ARHGEF25: variants seen among roughly 807,000 people sequenced by gnomAD.
ARHGEF25 encodes the protein RAC/CDC42 exchange factor.
Under a neutral mutation model 74.0 loss-of-function variants are expected in ARHGEF25, and 42 were observed. The ratio of observed to expected loss-of-function variants is 0.57; its 90% CI spans 0.44 to 0.73. The LOEUF (loss-of-function observed/expected upper bound fraction) is 0.73, where lower values mean the gene tolerates loss of function less well. Among genes scored for constraint, ARHGEF25 ranks in the 30% least tolerant of loss-of-function variants. The pLI is 0.00. For missense variants in ARHGEF25, 645 were observed against 725.5 expected, an observed-to-expected ratio of 0.89 and a Z score of 1.27; for synonymous variants, 293 against 278.6, an observed-to-expected ratio of 1.05 and a Z score of -0.51.
intron 14 of ARHGEF25, 35 bp from the exon 15 acceptor site, chr12:57,616,749 C>A (rs369018591): frequency 2.1e-6 from 3 of 1,459,174 alleles, no homozygotes; most frequent in Non-Finnish European, 2.8e-6. Flanking sequence ...AGATTTCTGG[C>A]CTTTTTGATC....
intron 13 of ARHGEF25, 126 bp from the exon 14 acceptor site, chr12:57,616,158 C>A: frequency 1.4e-6 from 2 of 1,446,080 alleles, no homozygotes; most frequent in East Asian, 2.3e-5. Context: ...TGATAGAATC[C>A]CCTAAAGCCC....
At chr12:57,610,288 C>G, upstream of ARHGEF25, 3 of 1,565,524 alleles carry the variant, frequency 1.9e-6, no homozygotes, top group Non-Finnish European at 2.6e-6. Flanking sequence ...GCATGCTGCG[C>G]GCATGCGCCC....
In ARHGEF25 at chr12:57,613,666, TGGG is replaced by T. The variant is rs753841475; in HGVS notation, c.486-25_486-23del. The T allele has an allele frequency of 5.0e-6, 8 of 1,613,168 alleles. No individual in the cohort carries two copies. The South Asian group carries it at 5.5e-5, about 11-fold the overall frequency. On this transcript the variant is annotated intron_variant, in intron 4 of 14. Coordinates refer to ENST00000286494, the MANE Select transcript of ARHGEF25 (RefSeq NM_182947.4). ...CCAAGGATGAGCTCCGACGCTGAAGTGGGGGCCTCCTCCTGCTTTCATCCTAGG... is the reference window on the plus strand; with the variant it reads ...CCAAGGATGAGCTCCGACGCTGAAGTGGCCTCCTCCTGCTTTCATCCTAGG...
chr12:57,612,917 T>C lies in ARHGEF25; in HGVS notation c.98-13T>C. ...GCAAGGTCTATCACCTCCTCTCTTT[T>C]TCCTCCCATTAGAATCCTATTCCAT... is the stretch of plus-strand genomic sequence containing the variant. On this transcript the variant is annotated splice_polypyrimidine_tract_variant and intron_variant, in intron 1 of 14. Coordinates refer to ENST00000286494, the MANE Select transcript of ARHGEF25 (RefSeq NM_182947.4). 1 of 1,610,698 alleles carries C rather than the reference T, an allele frequency of 6.2e-7. No homozygotes were observed. The highest frequency in any genetic ancestry group is 8.5e-7 in the Non-Finnish European group (1 of 1,177,394).
chr12:57,613,121 A>G lies in ARHGEF25; in HGVS notation c.289A>G (p.Ser97Gly), dbSNP rs1884126897. 1.2e-6 allele frequency: 2 copies of G among 1,613,352 alleles called. No homozygotes were observed. The highest frequency in any genetic ancestry group is 2.2e-5 in the South Asian group (2 of 91,074). ...HCLSVETEADSGQAGPYENWM... is the reference protein window; with the variant it reads ...HCLSVETEADGGQAGPYENWM... ...TCTCAGTGTGGAAACTGAGGCAGAC[A>G]GTGGTCAGGCAGGACCATATGAGGT... is the stretch of plus-strand genomic sequence containing the variant. The change falls in exon 2 of 15, where the codon AGT becomes GGT. Residue 97 changes from serine to glycine, a missense_variant. Ser to Gly is a moderately conservative substitution (Grantham distance 56, BLOSUM62 0). Around this residue, in one of 3 missense-constraint regions of ARHGEF25, gnomAD observed 189 missense variants for 199.1 expected, o/e 0.95. Coordinates refer to ENST00000286494, the MANE Select transcript of ARHGEF25 (RefSeq NM_182947.4).
chr12:57,610,315 G>A (rs1464827829), upstream of ARHGEF25: 1 of 1,518,062 alleles, frequency 6.6e-7, no homozygotes, highest in Non-Finnish European at 8.9e-7. Context: ...GGCAGGAGGG[G>A]GTAAGAATGG....
rs769791400 is a variant in ARHGEF25, at chr12:57,614,778, C to T, written c.906C>T (p.Leu302=). Residue 302 remains leucine, a synonymous_variant, in exon 9 of 15, where the codon CTC becomes CTT. Coordinates refer to ENST00000286494, the MANE Select transcript of ARHGEF25 (RefSeq NM_182947.4). The surrounding 1 kb of genome is among the most constrained non-coding windows in gnomAD (Gnocchi z 4.6). ...GGATCATGAAATACCAGCTGCTGCT[C>T]AAGGTCAGGACCCCCTTTTTCCTGG... ...VQRIMKYQLL[L]KDFLKYYNRA... 5 of 1,607,446 alleles carry T rather than the reference C, an allele frequency of 3.1e-6. No individual in the cohort carries two copies. Among genetic ancestry groups the T allele is most frequent in the Non-Finnish European group, 4.2e-6 (5 of 1,176,868 alleles).
chr12:57,614,481 C>T lies in ARHGEF25; in HGVS notation c.727-35C>T. 1.2e-6 allele frequency: 2 copies of T among 1,613,990 alleles called. No individual in the cohort carries two copies. The highest frequency in any genetic ancestry group is 1.7e-6 in the Non-Finnish European group (2 of 1,179,944). The stretch of plus-strand genomic sequence containing the variant: ...CTGGAGATGCGTCCTCCCTCCTTGC[C>T]CACCCTGCTCTCTCTTAAACATTAC... On this transcript the variant is annotated intron_variant, in intron 7 of 14. Transcript: ENST00000286494. The surrounding 1 kb of genome is among the most constrained non-coding windows in gnomAD (Gnocchi z 4.6).
rs1295226406 is a variant in ARHGEF25 at position 57,615,831 on chromosome 12, A to G, written c.1240-6A>G. 6.2e-7 allele frequency: 1 copy of G among 1,613,346 alleles called. No homozygotes were observed. Among genetic ancestry groups the G allele is most frequent in the East Asian group, 2.2e-5 (1 of 44,834 alleles). The stretch of plus-strand genomic sequence containing the variant: ...TCTGGGGGCTGTCTCCTATCTGCCA[A>G]TTCAGGTGAGCTGCCTGGGACTGGA... On this transcript the variant is annotated splice_polypyrimidine_tract_variant and splice_region_variant and intron_variant, in intron 12 of 14. Transcript: ENST00000286494.
In ARHGEF25 at chr12:57,611,993, T is replaced by C. The variant is rs751161211; in HGVS notation, c.97+2T>C. The C allele has an allele frequency of 7.8e-7, 1 of 1,286,704 alleles. No individual in the cohort carries two copies. Among genetic ancestry groups the C allele is most frequent in the African/African-American group, 1.5e-5 (1 of 64,974 alleles). 79.7% of individuals were successfully genotyped at this position (1,286,704 alleles called of 1,614,324 possible). ...GCTGCTTCGCCCGGGGGGGACGTGG[T>C]GAGTGCCAGGTCGAGAGGGTCCAGT... On this transcript the variant is annotated splice_donor_variant, in intron 1 of 14. Transcript: ENST00000286494. LOFTEE classifies it high-confidence loss of function. The surrounding 1 kb of genome is among the most constrained non-coding windows in gnomAD (Gnocchi z 4.5).
At position 57,615,957 on chromosome 12, in the gene ARHGEF25, A is replaced by C; in HGVS notation, c.1360A>C (p.Ser454Arg). ...YVLQAADPAISQAWIKHVAQI... is the reference protein window; with the variant it reads ...YVLQAADPAIRQAWIKHVAQI... ...CCTGCAGGCTGCAGACCCTGCTATC[A>C]GTCAGGCCTGGATCAAGCATGTGGC... is the stretch of plus-strand genomic sequence containing the variant. Residue 454 changes from serine to arginine, a missense_variant, in exon 13 of 15, where the codon AGT becomes CGT. This residue lies in a region of ARHGEF25 where 262 missense variants were observed against 256.9 expected (regional missense o/e 1.02). Transcript: ENST00000286494. 2 of 1,614,154 alleles carry C rather than the reference A, an allele frequency of 1.2e-6. No individual in the cohort carries two copies. The highest frequency in any genetic ancestry group is 8.5e-7 in the Non-Finnish European group (1 of 1,180,010).
In ARHGEF25 at chr12:57,615,180, CT is replaced by C. The variant is rs150804062; in HGVS notation, c.961-54del. The C allele has an allele frequency of 1.2e-3, 1,804 of 1,563,566 alleles. 24 individuals are homozygous for C. The African/African-American group carries it at 0.022, about 19-fold the overall frequency. On this transcript the variant is annotated intron_variant, in intron 10 of 14. Transcript: ENST00000286494. ...AAGAGGCAACTGGCCGAGGAGGCCTCTTTCCCAATAATGACTCTCTTCGCCC... is the reference window on the plus strand; with the variant it reads ...AAGAGGCAACTGGCCGAGGAGGCCTCTTCCCAATAATGACTCTCTTCGCCC...
In ARHGEF25 at chr12:57,616,434, CCT is replaced by C. The variant is rs1348984065; in HGVS notation, c.1576_1577del (p.Leu526AlafsTer17). ...CACACACCCATCAATGGCTCTCTCC[CCT>C]CTCTGCTGCTGTCACCCAAAGGGGA... On this transcript the variant is annotated frameshift_variant, in exon 14 of 15. Coordinates refer to ENST00000286494, the MANE Select transcript of ARHGEF25 (RefSeq NM_182947.4). LOFTEE classifies it high-confidence loss of function. The C allele has an allele frequency of 1.2e-6, 2 of 1,614,068 alleles. No individual in the cohort carries two copies. Among genetic ancestry groups the C allele is most frequent in the South Asian group, 1.1e-5 (1 of 91,092 alleles).
chr12:57,613,401 G>A (rs1458684066), intron 3 of ARHGEF25, 39 bp from the exon 4 acceptor site: 7 of 1,614,040 alleles, frequency 4.3e-6, no homozygotes, highest in Non-Finnish European at 5.1e-6. Context: ...CACTCAAGGG[G>A]CATTCGTTTG....
upstream of ARHGEF25, among the ~76,000 whole-genome samples, chr12:57,611,235 G>A (rs985252137): frequency 6.6e-6 from 1 of 151,480 alleles, no homozygotes; most frequent in Non-Finnish European, 1.5e-5. The surrounding 1 kb of genome is among the most constrained non-coding windows in gnomAD (Gnocchi z 4.5). Context: ...GGATGCGAGA[G>A]GGAGGGGGAC....
At position 57,614,354 on chromosome 12, in the gene ARHGEF25, G is replaced by T. The variant is rs547082119; in HGVS notation, c.680G>T (p.Arg227Leu). The T allele has an allele frequency of 6.2e-7, 1 of 1,614,068 alleles. No individual in the cohort carries two copies. Among genetic ancestry groups the T allele is most frequent in the Non-Finnish European group, 8.5e-7 (1 of 1,180,004 alleles). The change falls in exon 7 of 15, where the codon CGG becomes CTG. Residue 227 changes from arginine to leucine, a missense_variant. By Grantham distance (102) the Arg-to-Leu change is moderately radical (BLOSUM62 -2). Coordinates refer to ENST00000286494, the MANE Select transcript of ARHGEF25 (RefSeq NM_182947.4). This position sits in a 1 kb window ranked among gnomAD's most constrained non-coding sequence, Gnocchi z 4.6. ...AGCTATTTCTTGCAAGAGCTACAAC[G>T]GTGTCTGAAAGATCCTGATTGGCTG... is the stretch of plus-strand genomic sequence containing the variant. ...HRDYFLQELQRCLKDPDWLAQ... is the reference protein window; with the variant it reads ...HRDYFLQELQLCLKDPDWLAQ...
chr12:57,616,746 TGGC>T, intron 14 of ARHGEF25, 35 bp from the exon 15 acceptor site: 2 of 1,434,548 alleles, frequency 1.4e-6, no homozygotes, highest in Non-Finnish European at 1.9e-6. Flanking sequence ...GGTAGATTTC[TGGC>T]CTTTTTGATC....
At chr12:57,610,177 C>T, upstream of ARHGEF25, 1 of 1,302,754 alleles carries the variant, frequency 7.7e-7, no homozygotes, top group Non-Finnish European at 1.1e-6. Context: ...GCTTCAGTGC[C>T]CCCTCGACCC....
rs1190449783 is a variant in ARHGEF25, at chr12:57,616,378, T to G, written c.1515T>G (p.Ile505Met). ...CTGGAGTGGGGAGCCCTGGAAGAAT[T>G]CAGCTTGGAGATCAGGCCCAGGGCA... ...RGPGVGSPGR[I>M]QLGDQAQGST... Residue 505 changes from isoleucine to methionine, a missense_variant, in exon 14 of 15, where the codon ATT becomes ATG. Physicochemically the swap from Ile to Met is conservative, Grantham distance 10 (BLOSUM62 1). Coordinates refer to ENST00000286494, the MANE Select transcript of ARHGEF25 (RefSeq NM_182947.4). 2 of 1,614,044 alleles carry G rather than the reference T, an allele frequency of 1.2e-6. No homozygotes were observed. Among genetic ancestry groups the G allele is most frequent in the Non-Finnish European group, 1.7e-6 (2 of 1,179,984 alleles).
Sources: allele counts gnomAD v4.1 joint callset (sites outside exome capture counted in the v4.1 genomes callset), GRCh38; gene constraint gnomAD v4.1.1; regional missense constraint gnomAD v4.1.1; non-coding constraint Gnocchi (gnomAD v3.1); transcripts MANE v1.5; gene names NCBI Gene and HGNC (gene_info 2026-07-23, HGNC 2026-07-21).